The following CCNA1 variants were observed in gnomAD, a reference collection of about 807,000 sequenced individuals.
The protein encoded by CCNA1 is cyclin-A1.
CCNA1 carries 23 observed loss-of-function variants against 54.1 expected under a neutral mutation model. The observed-to-expected ratio is 0.42, with a 90% confidence interval of 0.31 to 0.60. CCNA1 has a LOEUF of 0.60. Among genes scored for constraint, CCNA1 ranks in the 20% least tolerant of loss-of-function variants. The pLI, the probability that CCNA1 is intolerant of heterozygous loss-of-function variation, is 0.14. For synonymous variants in CCNA1, 208 were observed against 213.9 expected (o/e 0.97, Z 0.24); for missense variants, 450 against 556.7 (o/e 0.81, Z 1.93).
chr13:36,433,478 CTTCT>C (rs1377614642), intron 2 of CCNA1, among the ~76,000 whole-genome samples: 2 of 120,688 alleles, frequency 1.7e-5, no homozygotes, highest in East Asian at 2.4e-4. Context: ...TCTTTCTTTC[CTTCT>C]TTCTTTTTCT....
At position 36,433,138 on chromosome 13, in the gene CCNA1, G is replaced by A. The variant is rs2055737458; in HGVS notation, c.214G>A (p.Ala72Thr). ...CGATGCTTGTCAGATACTCACCAGA[G>A]CCCCGCTGGGCCAGGATCCCCCGCA... Residue 72 changes from alanine to threonine, a missense_variant, in exon 2 of 9, where the codon GCC becomes ACC. By Grantham distance (58) the Ala-to-Thr change is moderately conservative (BLOSUM62 0). Transcript: ENST00000255465. 2 of 1,614,180 alleles carry A rather than the reference G, an allele frequency of 1.2e-6. No individual in the cohort carries two copies. The highest frequency in any genetic ancestry group is 1.7e-6 in the Non-Finnish European group (2 of 1,180,032).
rs539040307 is a variant in CCNA1, at chr13:36,439,443, C to A, written c.894-536C>A. ...CTATTGTTAATGCAGAAAAACTTGC[C>A]AAAATTCCCCTAAAGAAAGTAGAAA... is the stretch of plus-strand genomic sequence containing the variant. On this transcript the variant is annotated intron_variant, in intron 5 of 8. Transcript: ENST00000255465. Among the ~76,000 whole-genome samples the A allele has an allele frequency of 8.9e-4, 135 of 152,180 alleles. 1 individual carries two copies. The highest frequency in any genetic ancestry group is 1.6e-3 in the Non-Finnish European group (109 of 68,000).
intron 2 of CCNA1, among the ~76,000 whole-genome samples, chr13:36,437,054 T>G (rs2137822065): frequency 1.3e-5 from 2 of 152,330 alleles, no homozygotes; most frequent in Middle Eastern, 6.8e-3. Context: ...ACTAAGAAAT[T>G]TCCCCAAGAG....
rs779594513 is a variant in CCNA1 at position 36,437,733 on chromosome 13, G to A, written c.402G>A (p.Gly134=). Residue 134 remains glycine, a synonymous_variant, in exon 3 of 9, where the codon GGG becomes GGA. Transcript: ENST00000255465. Reference sequence around the variant, plus strand: ...GGGTCCAAGAGCCCCCCAAGCAAGGGTTTGACATCTACATGGATGAACTAG... The same window carrying A: ...GGGTCCAAGAGCCCCCCAAGCAAGGATTTGACATCTACATGGATGAACTAG... 3.1e-6 allele frequency: 5 copies of A among 1,614,052 alleles called. No homozygotes were observed. The highest frequency in any genetic ancestry group is 1.1e-5 in the South Asian group (1 of 91,092).
intron 2 of CCNA1, among the ~76,000 whole-genome samples, 191 bp downstream of exon 2, chr13:36,433,412 TTC>T (rs1217673943): frequency 8.2e-6 from 1 of 122,080 alleles, no homozygotes; most frequent in Non-Finnish European, 1.8e-5. Context: ...CTTTCTTTCT[TTC>T]TTTCTTTCTT....
intron 2 of CCNA1, among the ~76,000 whole-genome samples, chr13:36,433,426 C>CG (rs2055752950): frequency 7.6e-5 from 9 of 117,848 alleles, no homozygotes; most frequent in African/African-American, 2.8e-4. Context: ...TTCTTTCTTT[C>CG]TTTCTTTCTT....
Position 36,433,123 on chromosome 13 carries a change from C to A in CCNA1, c.199C>A (p.Gln67Lys). Reference sequence around the variant, plus strand: ...AGTGGCCCGAGGTCCCGATGCTTGTCAGATACTCACCAGAGCCCCGCTGGG... The same window carrying A: ...AGTGGCCCGAGGTCCCGATGCTTGTAAGATACTCACCAGAGCCCCGCTGGG... Residue 67 changes from glutamine to lysine, a missense_variant, in exon 2 of 9, where the codon CAG (glutamine) becomes AAG (lysine). By Grantham distance (53) the Gln-to-Lys change is moderately conservative. Transcript: ENST00000255465. The A allele has an allele frequency of 1.2e-6, 2 of 1,614,214 alleles. No homozygotes were observed. The highest frequency in any genetic ancestry group is 1.7e-6 in the Non-Finnish European group (2 of 1,180,028).
rs1202295745 is a variant in CCNA1, at chr13:36,442,826, A to G, written c.*161A>G. On this transcript the variant is annotated 3_prime_UTR_variant, in exon 9 of 9. Coordinates refer to ENST00000255465, the MANE Select transcript of CCNA1 (RefSeq NM_003914.4). ...TTTCCCTTAGACTTTAGTAGTTTGT[A>G]ATATAGTCCAACATTTTTTAAACAA... 4 of 615,848 alleles carry G rather than the reference A, an allele frequency of 6.5e-6. No individual in the cohort carries two copies. Among genetic ancestry groups the G allele is most frequent in the Non-Finnish European group, 1.1e-5 (4 of 350,068 alleles). 38.1% of individuals were successfully genotyped at this position (615,848 alleles called of 1,614,324 possible). A position where few individuals can be genotyped will look rare whatever the true frequency, so the allele number is the denominator to read the frequency against.
chr13:36,434,536 G>T (rs1161911902), intron 2 of CCNA1, among the ~76,000 whole-genome samples: 1 of 151,998 alleles, frequency 6.6e-6, no homozygotes, highest in Non-Finnish European at 1.5e-5. Context: ...TTGAATGGTC[G>T]CATTTTAAAT....
chr13:36,434,332 T>G (rs2055773999), intron 2 of CCNA1, among the ~76,000 whole-genome samples: 1 of 152,198 alleles, frequency 6.6e-6, no homozygotes, highest in Admixed American at 6.5e-5. Flanking sequence ...GGTTTAAGCC[T>G]CTGCCAAAAG....
Position 36,439,991 on chromosome 13 carries a change from G to C in CCNA1, c.906G>C (p.Glu302Asp). The C allele has an allele frequency of 6.2e-7, 1 of 1,607,648 alleles. No homozygotes were observed. The highest frequency in any genetic ancestry group is 8.5e-7 in the Non-Finnish European group (1 of 1,174,378). ...CTTCCTTTCCCAGGAAATATGAAGA[G>C]ATATATCCTCCTGAAGTAGACGAGT... Residue 302 changes from glutamate to aspartate, a missense_variant, in exon 6 of 9, where the codon GAG becomes GAC. Glu to Asp is a conservative substitution (Grantham distance 45). This residue lies in a region of CCNA1 where 150 missense variants were observed against 219.7 expected (regional missense o/e 0.68). Coordinates refer to ENST00000255465, the MANE Select transcript of CCNA1 (RefSeq NM_003914.4).
At chr13:36,442,043 G>A in intron 7 of CCNA1, 128 bp from the exon 8 acceptor site, 1 of 616,426 alleles carries the variant, frequency 1.6e-6, no homozygotes, top group Non-Finnish European at 2.7e-6. Flanking sequence ...TCTGAAGGGG[G>A]TTCTGGTCTC....
At position 36,440,060 on chromosome 13, in the gene CCNA1, A is replaced by G. The variant is rs928105467; in HGVS notation, c.975A>G (p.Leu325=). ...ATACATACACAAAACGACAACTGTT[A>G]AAAATGGAACACTTGCTTCTGAAAG... Residue 325 remains leucine, a synonymous_variant, in exon 6 of 9, where the codon TTA becomes TTG. Coordinates refer to ENST00000255465, the MANE Select transcript of CCNA1 (RefSeq NM_003914.4). 11 of 1,613,596 alleles carry G rather than the reference A, an allele frequency of 6.8e-6. No homozygotes were observed. Among genetic ancestry groups the G allele is most frequent in the Non-Finnish European group, 8.5e-6 (10 of 1,179,592 alleles).
chr13:36,433,794 G>C (rs1194901018), intron 2 of CCNA1, among the ~76,000 whole-genome samples: 1 of 152,078 alleles, frequency 6.6e-6, no homozygotes, highest in Non-Finnish European at 1.5e-5. Context: ...GCCCACCTCG[G>C]CCTCCCAAAG....
In CCNA1 at chr13:36,432,566, G is replaced by C. The variant is rs950946463; in HGVS notation, c.-56G>C. On this transcript the variant is annotated 5_prime_UTR_variant, in exon 1 of 9. Coordinates refer to ENST00000255465, the MANE Select transcript of CCNA1 (RefSeq NM_003914.4). ...CGCTTTGGGGTCCAGGCAGGTTTTG[G>C]GGCCTCCTGTCTGGTGGGAGGAGGC... 6 of 1,122,536 alleles carry C rather than the reference G, an allele frequency of 5.3e-6. No individual in the cohort carries two copies. In the African/African-American group the frequency reaches 9.4e-5, roughly 18 times the overall value. 69.5% of individuals were successfully genotyped at this position (1,122,536 alleles called of 1,614,324 possible). A position where few individuals can be genotyped will look rare whatever the true frequency, so the allele number is the denominator to read the frequency against.
intron 5 of CCNA1, among the ~76,000 whole-genome samples, chr13:36,439,475 C>T (rs1216437355): frequency 6.6e-6 from 1 of 152,128 alleles, no homozygotes; most frequent in Non-Finnish European, 1.5e-5. Flanking sequence ...GAAACAAAGG[C>T]AGAAGGAAAG....
In CCNA1 at chr13:36,433,545, CTT is replaced by C. The variant is rs71711184; in HGVS notation, c.297+336_297+337del. 5.0e-3 allele frequency among the ~76,000 whole-genome samples: 524 copies of C among 104,108 alleles called. 8 individuals are homozygous for C. Among genetic ancestry groups the C allele is most frequent in the African/African-American group, 0.017 (456 of 27,064 alleles). The allele number at this position is 104,108 out of a possible 152,430, so 68.3% of individuals were successfully genotyped here. A position where few individuals can be genotyped will look rare whatever the true frequency, so the allele number is the denominator to read the frequency against. The stretch of plus-strand genomic sequence containing the variant: ...TTTTTTTCTTTCCTTTCCTTTCCTT[CTT>C]TTTTTTTTTTTGAGACGGAGTTTCG... On this transcript the variant is annotated intron_variant, in intron 2 of 8. Transcript: ENST00000255465.
intron 6 of CCNA1, 64 bp downstream of exon 6, chr13:36,440,247 C>A: frequency 7.5e-7 from 1 of 1,330,066 alleles, no homozygotes; most frequent in Non-Finnish European, 1.1e-6. Flanking sequence ...CAACCTTTCC[C>A]AATCATCCTT....
chr13:36,432,689 T>A lies in CCNA1; in HGVS notation c.68T>A (p.Leu23His). 1 of 1,613,148 alleles carries A rather than the reference T, an allele frequency of 6.2e-7. No homozygotes were observed. Among genetic ancestry groups the A allele is most frequent in the Admixed American group, 1.7e-5 (1 of 59,956 alleles). ...ATTGGGGGCTGGGGAGAAGAGTATC[T>A]CAGCTGGGAAGGACCGGGGCTCCCA... is the stretch of plus-strand genomic sequence containing the variant. Residue 23 changes from leucine to histidine, a missense_variant, in exon 1 of 9, where the codon CTC (leucine) becomes CAC (histidine). Physicochemically the swap from Leu to His is moderately conservative, Grantham distance 99 (BLOSUM62 -3). Transcript: ENST00000255465.
Sources: allele counts gnomAD v4.1 joint callset (sites outside exome capture counted in the v4.1 genomes callset), GRCh38; gene constraint gnomAD v4.1.1; regional missense constraint gnomAD v4.1.1; transcripts MANE v1.5; gene names NCBI Gene and HGNC (gene_info 2026-07-23, HGNC 2026-07-21).